Variants in TMEM272 observed in about 807,000 individuals in gnomAD.
TMEM272 encodes the protein transmembrane protein 272.
A neutral mutation model predicts 3.7 loss-of-function variants in TMEM272; 8 were observed. The ratio of observed to expected loss-of-function variants is 2.17; its 90% CI spans 1.27 to 3.91. The LOEUF (loss-of-function observed/expected upper bound fraction) is 3.91. Among genes scored for constraint, TMEM272 ranks in the 30% most tolerant of loss-of-function variants. The pLI is 0.00. For missense variants in TMEM272, 166 were observed against 91.5 expected, an observed-to-expected ratio of 1.81 and a Z score of -3.32; for synonymous variants, 63 against 39.8, an observed-to-expected ratio of 1.58 and a Z score of -2.20.
the TMEM272 span, among the ~76,000 whole-genome samples, chr13:51,904,546 AAAG>A: frequency 1.3e-5 from 2 of 152,202 alleles, no homozygotes; most frequent in Admixed American, 1.3e-4. Flanking sequence ...TGGACGTGGA[AAAG>A]AAGGAGGCTC....
chr13:51,865,373 T>C, the TMEM272 span: 1 of 1,575,838 alleles, frequency 6.3e-7, no homozygotes, highest in Admixed American at 1.8e-5. Flanking sequence ...GGTCCTGTCA[T>C]CCCTCATGGC....
the TMEM272 span, among the ~76,000 whole-genome samples, chr13:51,857,142 C>A: frequency 1.3e-5 from 2 of 151,580 alleles, no homozygotes; most frequent in African/African-American, 4.9e-5. Context: ...CTATGAAATT[C>A]TCTATAATGT....
chr13:51,929,902 G>C, the TMEM272 span, among the ~76,000 whole-genome samples: 6 of 152,264 alleles, frequency 3.9e-5, no homozygotes, highest in African/African-American at 1.4e-4. Context: ...AGCATTGTCT[G>C]TCCCCTGACC....
At chr13:51,893,867 A>G in the TMEM272 span, among the ~76,000 whole-genome samples, 1 of 152,198 alleles carries the variant, frequency 6.6e-6, no homozygotes, top group African/African-American at 2.4e-5. Flanking sequence ...GGAGAAAACA[A>G]ATATAATACA....
the TMEM272 span, among the ~76,000 whole-genome samples, chr13:51,876,407 A>C: frequency 6.6e-6 from 1 of 152,230 alleles, no homozygotes; most frequent in African/African-American, 2.4e-5. Context: ...TTTGAAAAGA[A>C]CCTTAACTGT....
chr13:51,885,504 C>G, the TMEM272 span, among the ~76,000 whole-genome samples: 7 of 152,118 alleles, frequency 4.6e-5, no homozygotes, highest in Non-Finnish European at 1.0e-4. Flanking sequence ...GGTAAACTGC[C>G]CCCATGATTC....
chr13:51,824,587 G>A (rs1012015870), intron 3 of TMEM272, among the ~76,000 whole-genome samples: 1 of 152,198 alleles, frequency 6.6e-6, no homozygotes, highest in African/African-American at 2.4e-5. Context: ...ATATCCATGG[G>A]AATTGGCTTG....
the TMEM272 span, among the ~76,000 whole-genome samples, chr13:51,882,420 A>G: frequency 5.9e-5 from 9 of 152,348 alleles, no homozygotes; most frequent in Middle Eastern, 3.4e-3. Context: ...ATCCCAAATA[A>G]TTTTCCTTAA....
At chr13:51,928,692 G>C in the TMEM272 span, among the ~76,000 whole-genome samples, 1 of 152,182 alleles carries the variant, frequency 6.6e-6, no homozygotes, top group Non-Finnish European at 1.5e-5. Context: ...GCAGTTTGTA[G>C]AGTGGCCCCC....
intron 1 of TMEM272, among the ~76,000 whole-genome samples, chr13:51,839,914 T>C (rs1260618175): frequency 6.6e-6 from 1 of 152,208 alleles, no homozygotes. Context: ...GGACATGTCA[T>C]GCTCAAAACT....
chr13:51,912,603 C>T, the TMEM272 span, among the ~76,000 whole-genome samples: 1 of 152,134 alleles, frequency 6.6e-6, no homozygotes, highest in Non-Finnish European at 1.5e-5. Flanking sequence ...TCTCTAGGAC[C>T]ACTCCAGGAA....
chr13:51,874,701 T>C, the TMEM272 span, among the ~76,000 whole-genome samples: 1 of 151,950 alleles, frequency 6.6e-6, no homozygotes, highest in Admixed American at 6.6e-5. Context: ...GAAGGGTGAG[T>C]CATACGGGTG....
chr13:51,869,310 G>A, the TMEM272 span, among the ~76,000 whole-genome samples: 1 of 152,080 alleles, frequency 6.6e-6, no homozygotes, highest in Non-Finnish European at 1.5e-5. Context: ...CCCCGAGGAG[G>A]GTGGACCATG....
the TMEM272 span, among the ~76,000 whole-genome samples, chr13:51,871,192 CT>C: frequency 0.32 from 43,619 of 137,394 alleles, 6,609 homozygotes; most frequent in East Asian, 0.42. Flanking sequence ...CAGAGTATGA[CT>C]TTTTTTTTTT....
chr13:51,925,853 C>A, the TMEM272 span, among the ~76,000 whole-genome samples: 1 of 152,150 alleles, frequency 6.6e-6, no homozygotes, highest in Non-Finnish European at 1.5e-5. Context: ...CTCACCAAAT[C>A]CCTCTCCTAA....
At chr13:51,829,663 C>T (rs556326058) in intron 2 of TMEM272, among the ~76,000 whole-genome samples, 138 of 152,212 alleles carry the variant, frequency 9.1e-4, no homozygotes, top group Middle Eastern at 3.4e-3. Flanking sequence ...AAAATCCTTC[C>T]CTGTGCTGCA....
At position 51,817,018 on chromosome 13, in the gene TMEM272, C is replaced by T. The variant is rs1427045613; in HGVS notation, c.297G>A (p.Arg99=). 5 of 702,876 alleles carry T rather than the reference C, an allele frequency of 7.1e-6. No homozygotes were observed. Among genetic ancestry groups the T allele is most frequent in the Non-Finnish European group, 1.3e-5 (5 of 385,012 alleles). The allele number at this position is 702,876 out of a possible 1,614,324, so 43.5% of individuals were successfully genotyped here. Residue 99 remains arginine (R), a synonymous_variant, in exon 5 of 5, where the codon AGG becomes AGA. Transcript: ENST00000629372. ...DDDDDDEYPW[R]QNAHRYYIHL... ...GGATGTAGTATCTGTGCGCATTCTG[C>T]CTCCAGGGGTATTCGTCATCGTCAT...
chr13:51,906,776 C>T, the TMEM272 span, among the ~76,000 whole-genome samples: 2 of 152,224 alleles, frequency 1.3e-5, no homozygotes, highest in East Asian at 3.9e-4. Context: ...AAAGCCATGC[C>T]AACTCTCCTC....
chr13:51,819,762 G>T (rs1170588409), intron 4 of TMEM272, among the ~76,000 whole-genome samples: 1 of 152,194 alleles, frequency 6.6e-6, no homozygotes, highest in African/African-American at 2.4e-5. Context: ...TCAGCAAAAA[G>T]CACATGCTTA....
Sources: gnomAD v4.1 joint callset for allele counts (sites outside exome capture counted in the v4.1 genomes callset) on GRCh38, gnomAD v4.1.1 for gene constraint, MANE v1.5 for transcripts, NCBI Gene and HGNC (gene_info 2026-07-23, HGNC 2026-07-21) for gene names.